Variants in ZNF385B observed in about 807,000 individuals in gnomAD.
ZNF385B encodes zinc finger protein 385B.
A neutral mutation model predicts 39.2 loss-of-function variants in ZNF385B; 23 were observed. The observed-to-expected ratio is 0.59, with a 90% CI of 0.42 to 0.83. The LOEUF is 0.83. ZNF385B is among the 40% of genes least tolerant of loss of function. ZNF385B has a pLI of 0.00. For missense variants in ZNF385B, 552 were observed against 598.9 expected (o/e 0.92, Z 0.82); for synonymous variants, 205 against 222.6 (o/e 0.92, Z 0.70).
chr2:179,506,511 ACT>A (rs1044307289), intron 5 of ZNF385B, among the ~76,000 whole-genome samples: 6 of 151,966 alleles, frequency 3.9e-5, no homozygotes, highest in Admixed American at 1.3e-4. Context: ...AGTTATCTAA[ACT>A]CTATATTGTA....
intron 6 of ZNF385B, among the ~76,000 whole-genome samples, chr2:179,459,501 T>C (rs1914499): frequency 0.71 from 107,128 of 151,816 alleles, 38,339 homozygotes; most frequent in East Asian, 0.94. Flanking sequence ...ATGTGCTATA[T>C]ACTATATCAG....
intron 3 of ZNF385B, among the ~76,000 whole-genome samples, chr2:179,676,174 T>C (rs1239725487): frequency 2.0e-5 from 3 of 146,592 alleles, no homozygotes; most frequent in African/African-American, 5.1e-5. Context: ...CTGCAAGCTC[T>C]ACCTCCCGGG....
chr2:179,846,359 T>C (rs541417568), intron 1 of ZNF385B, among the ~76,000 whole-genome samples: 1 of 152,336 alleles, frequency 6.6e-6, no homozygotes, highest in East Asian at 1.9e-4. Flanking sequence ...TCTGTTACAT[T>C]TGCATATTTT....
chr2:179,578,507 T>G (rs1394460910), intron 3 of ZNF385B, among the ~76,000 whole-genome samples: 3 of 152,102 alleles, frequency 2.0e-5, no homozygotes, highest in Non-Finnish European at 4.4e-5. Flanking sequence ...ACTCTGAGAC[T>G]ATGAGGCATA....
intron 3 of ZNF385B, among the ~76,000 whole-genome samples, chr2:179,759,109 T>A (rs1042359041): frequency 5.3e-5 from 8 of 151,982 alleles, no homozygotes; most frequent in Non-Finnish European, 1.0e-4. Flanking sequence ...CTTGACTAAC[T>A]TTTTTTTAGT....
intron 5 of ZNF385B, among the ~76,000 whole-genome samples, chr2:179,511,174 G>A (rs547965310): frequency 9.8e-5 from 15 of 152,286 alleles, no homozygotes; most frequent in Admixed American, 3.3e-4. Flanking sequence ...GGTGGCAAAG[G>A]AAGATGCAAA....
chr2:179,507,328 C>T (rs2057324635), intron 5 of ZNF385B, among the ~76,000 whole-genome samples: 1 of 152,082 alleles, frequency 6.6e-6, no homozygotes, highest in South Asian at 2.1e-4. Flanking sequence ...CCTCAACAAG[C>T]CCTGGTTTAG....
At position 179,443,413 on chromosome 2, in the gene ZNF385B, G is replaced by C; in HGVS notation, c.1298C>G (p.Ser433Cys). 1 of 1,611,862 alleles carries C rather than the reference G, an allele frequency of 6.2e-7. No homozygotes were observed. The highest frequency in any genetic ancestry group is 1.7e-4 in the Middle Eastern group (1 of 5,846). ...MMKPLAPAFL[S>C]SPLAAAAAVS... ...GGCTGCCGCCGCTGCGAGAGGTGAG[G>C]ACAGGAAGGCTGGGGCCAAAGGCTT... is the stretch of plus-strand genomic sequence containing the variant. The change falls in exon 10 of 10, where the codon TCC (serine) becomes TGC (cysteine). Residue 433 changes from serine to cysteine, a missense_variant. By Grantham distance (112) the Ser-to-Cys change is moderately radical. Transcript: ENST00000410066.
At chr2:179,592,890 A>G (rs915324798) in intron 3 of ZNF385B, among the ~76,000 whole-genome samples, 1 of 152,140 alleles carries the variant, frequency 6.6e-6, no homozygotes, top group African/African-American at 2.4e-5. Flanking sequence ...CTACGACCTT[A>G]TATTAAGTAC....
At chr2:179,626,698 T>C (rs1411092963) in intron 3 of ZNF385B, among the ~76,000 whole-genome samples, 1 of 152,150 alleles carries the variant, frequency 6.6e-6, no homozygotes, top group Non-Finnish European at 1.5e-5. Context: ...TAATCAGTGA[T>C]TACCTTAACC....
At chr2:179,708,748 A>G (rs1216721091) in intron 3 of ZNF385B, among the ~76,000 whole-genome samples, 1 of 152,218 alleles carries the variant, frequency 6.6e-6, no homozygotes, top group Non-Finnish European at 1.5e-5. Flanking sequence ...TGCCAGTCCC[A>G]TGGTGAAGAG....
chr2:179,818,227 C>T (rs759839234), intron 1 of ZNF385B, among the ~76,000 whole-genome samples: 6 of 152,136 alleles, frequency 3.9e-5, no homozygotes, highest in Non-Finnish European at 7.4e-5. Flanking sequence ...CATACAAGTG[C>T]AGTTTTATTA....
At chr2:179,485,926 T>G (rs1454066991) in intron 5 of ZNF385B, among the ~76,000 whole-genome samples, 1 of 152,170 alleles carries the variant, frequency 6.6e-6, no homozygotes, top group Non-Finnish European at 1.5e-5. Context: ...TGAATATCTT[T>G]TCATACATAT....
chr2:179,747,543 C>T (rs1004434435), intron 3 of ZNF385B, among the ~76,000 whole-genome samples: 5 of 152,156 alleles, frequency 3.3e-5, no homozygotes, highest in African/African-American at 1.2e-4. Flanking sequence ...TCACCCAACA[C>T]ACACATAAAC....
At chr2:179,546,971 A>G (rs1338471737) in intron 3 of ZNF385B, among the ~76,000 whole-genome samples, 4 of 149,880 alleles carry the variant, frequency 2.7e-5, no homozygotes, top group Non-Finnish European at 4.4e-5. Context: ...CTGTTTTTGA[A>G]GATCAATAAT....
chr2:179,831,012 A>G (rs1409920997), intron 1 of ZNF385B, among the ~76,000 whole-genome samples: 1 of 152,138 alleles, frequency 6.6e-6, no homozygotes, highest in African/African-American at 2.4e-5. Context: ...TAAATCTAAA[A>G]TTTCTCTTAA....
intron 1 of ZNF385B, among the ~76,000 whole-genome samples, chr2:179,800,858 C>G (rs758107764): frequency 5.9e-5 from 9 of 152,136 alleles, no homozygotes; most frequent in Non-Finnish European, 1.3e-4. Context: ...AGACACACTT[C>G]AGCTTATATC....
chr2:179,804,570 T>C (rs1443877218), intron 1 of ZNF385B, among the ~76,000 whole-genome samples: 2 of 152,222 alleles, frequency 1.3e-5, no homozygotes, highest in Non-Finnish European at 2.9e-5. Flanking sequence ...TATGTGACCA[T>C]GTGCAAGTTA....
rs564222555 is a variant in ZNF385B, at chr2:179,684,162, T to A, written c.298+85341A>T. Among the ~76,000 whole-genome samples, 4 of 152,340 alleles carry A rather than the reference T, an allele frequency of 2.6e-5. No homozygotes were observed. In the East Asian group the frequency reaches 7.7e-4, roughly 29 times the overall value. On this transcript the variant is annotated intron_variant, in intron 3 of 9. Coordinates refer to ENST00000410066, the MANE Select transcript of ZNF385B (RefSeq NM_152520.6). ...ACAATCTGCTATCAGGAGCCTCCGTTAGCATATCAAAATCATAAAGAATAT... is the reference window on the plus strand; with the variant it reads ...ACAATCTGCTATCAGGAGCCTCCGTAAGCATATCAAAATCATAAAGAATAT...
Sources: allele counts gnomAD v4.1 joint callset (sites outside exome capture counted in the v4.1 genomes callset), GRCh38; gene constraint gnomAD v4.1.1; transcripts MANE v1.5; gene names NCBI Gene and HGNC (gene_info 2026-07-23, HGNC 2026-07-21).